Variants in ADARB1 observed in about 807,000 individuals in gnomAD.
ADARB1 encodes the protein double-stranded RNA-specific editase 1.
In ADARB1, 10 loss-of-function variants were observed where a neutral mutation model predicts 52.4. That is an observed-to-expected ratio of 0.19 (90% CI 0.12 to 0.32). The LOEUF (loss-of-function observed/expected upper bound fraction) is 0.32. ADARB1 is among the 10% of genes least tolerant of loss of function. The pLI is 1.00. For synonymous variants in ADARB1, 349 were observed against 371.1 expected, an observed-to-expected ratio of 0.94 and a Z score of 0.68; for missense variants, 643 against 922.3, an observed-to-expected ratio of 0.70 and a Z score of 3.92.
chr21:45,169,210 T>G (rs992335917), intron 2 of ADARB1, among the ~76,000 whole-genome samples: 4 of 152,170 alleles, frequency 2.6e-5, no homozygotes, highest in African/African-American at 9.7e-5. Context: ...TAGAGCCTGG[T>G]GGAAATGAAG....
chr21:45,139,481 T>G (rs1303846158), intron 2 of ADARB1, among the ~76,000 whole-genome samples: 2 of 152,226 alleles, frequency 1.3e-5, no homozygotes, highest in African/African-American at 4.8e-5. Flanking sequence ...CCGTTTTCTC[T>G]TTTTCCCATA....
rs977701639 is a variant in ADARB1 at position 45,200,031 on chromosome 21, A to C, written c.1566-4524A>C. Among the ~76,000 whole-genome samples the C allele has an allele frequency of 2.0e-5, 3 of 152,232 alleles. No homozygotes were observed. Among genetic ancestry groups the C allele is most frequent in the Non-Finnish European group, 4.4e-5 (3 of 68,038 alleles). Reference sequence around the variant, plus strand: ...GGGCCAAGAAATAGCAAATGGCCAGAAAAGTTGCCCGGAAAGAGCCCTGGT... The same window carrying C: ...GGGCCAAGAAATAGCAAATGGCCAGCAAAGTTGCCCGGAAAGAGCCCTGGT... On this transcript the variant is annotated intron_variant, in intron 8 of 10. Transcript: ENST00000348831. This position sits in a 1 kb window ranked among gnomAD's most constrained non-coding sequence, Gnocchi z 5.0.
At chr21:45,125,020 C>T (rs1237333298) in intron 1 of ADARB1, among the ~76,000 whole-genome samples, 1 of 150,926 alleles carries the variant, frequency 6.6e-6, no homozygotes, top group Admixed American at 6.6e-5. Context: ...TTGTCTTGAA[C>T]TCCTGGGCTC....
intron 2 of ADARB1, among the ~76,000 whole-genome samples, chr21:45,165,428 G>A (rs2091213361): frequency 6.6e-6 from 1 of 152,076 alleles, no homozygotes; most frequent in Non-Finnish European, 1.5e-5. Context: ...AAATGTGTTT[G>A]CTGAAAATTA....
chr21:45,135,341 GACA>G (rs757222862), intron 2 of ADARB1, among the ~76,000 whole-genome samples: 3 of 152,274 alleles, frequency 2.0e-5, no homozygotes, highest in Non-Finnish European at 2.9e-5. Context: ...CTGCCAGAAT[GACA>G]ACAACTGTCA....
chr21:45,208,290 G>A lies in ADARB1; in HGVS notation c.1747+3554G>A, dbSNP rs767404203. Among the ~76,000 whole-genome samples the A allele has an allele frequency of 4.6e-5, 7 of 152,194 alleles. No homozygotes were observed. Among genetic ancestry groups the A allele is most frequent in the African/African-American group, 1.2e-4 (5 of 41,440 alleles). On this transcript the variant is annotated intron_variant, in intron 9 of 10. Transcript: ENST00000348831. The surrounding 1 kb of genome is among the most constrained non-coding windows in gnomAD (Gnocchi z 5.6). ...ACCTTGTTGACAGACAGCCTGCTCC[G>A]GGGTTTGCAGACAAGGCTTCCTATC...
chr21:45,119,349 C>T (rs1307685108), intron 1 of ADARB1, among the ~76,000 whole-genome samples: 2 of 152,234 alleles, frequency 1.3e-5, no homozygotes, highest in South Asian at 2.1e-4. Flanking sequence ...CCTTGGCCTC[C>T]CAAAGTGCTG....
intron 1 of ADARB1, chr21:45,121,018 A>G (rs1443506516): frequency 3.3e-5 from 5 of 152,140 alleles, no homozygotes; most frequent in Admixed American, 2.6e-4. Flanking sequence ...CTGGATTTAA[A>G]TATGCTAATT....
chr21:45,121,188 GC>G (rs1028878017), intron 1 of ADARB1, among the ~76,000 whole-genome samples: 13 of 152,090 alleles, frequency 8.5e-5, no homozygotes, highest in Non-Finnish European at 1.9e-4. Context: ...TAAGCTTTGT[GC>G]TTTTCCTTTA....
intron 9 of ADARB1, among the ~76,000 whole-genome samples, chr21:45,205,845 G>GGT (rs1305330642): frequency 6.6e-6 from 1 of 151,988 alleles, no homozygotes; most frequent in East Asian, 1.9e-4. Context: ...TTTATTTTGG[G>GGT]GTGTGTGTGT....
At chr21:45,199,743 A>T (rs1218150393) in intron 8 of ADARB1, among the ~76,000 whole-genome samples, 1 of 152,212 alleles carries the variant, frequency 6.6e-6, no homozygotes, top group Non-Finnish European at 1.5e-5. Context: ...TGGAAAAGAA[A>T]AGCCACATAT....
intron 1 of ADARB1, among the ~76,000 whole-genome samples, chr21:45,086,409 G>C (rs1460616780): frequency 6.6e-6 from 1 of 152,198 alleles, no homozygotes; most frequent in Non-Finnish European, 1.5e-5. Context: ...CTGAATGTCT[G>C]AGTTGTGCAG....
At chr21:45,197,515 A>C (rs2092452390) in intron 8 of ADARB1, among the ~76,000 whole-genome samples, 1 of 152,036 alleles carries the variant, frequency 6.6e-6, no homozygotes, top group Admixed American at 6.6e-5. Context: ...AAAAAAAAAA[A>C]AGTTACAGAT....
At chr21:45,183,274 G>A (rs2091990680) in intron 6 of ADARB1, 88 bp from the exon 7 acceptor site, 1 of 1,282,456 alleles carries the variant, frequency 7.8e-7, no homozygotes, top group Non-Finnish European at 1.1e-6. Context: ...TCTTTCCCTT[G>A]TGGAAAATAC....
At chr21:45,148,252 C>G (rs2090108999) in intron 2 of ADARB1, among the ~76,000 whole-genome samples, 1 of 152,232 alleles carries the variant, frequency 6.6e-6, no homozygotes. Context: ...CCATGGCAGC[C>G]TCCGTGAGGG....
chr21:45,225,618 GA>G lies in ADARB1; in HGVS notation c.*3422del. ...TGAGGATGGGATTAGCGAAGCTGTG[GA>G]GACTGCACATCCGGACCTGCCCATG... On this transcript the variant is annotated 3_prime_UTR_variant, in exon 11 of 11. Transcript: ENST00000348831. 7.8e-7 allele frequency: 1 copy of G among 1,282,580 alleles called. No individual in the cohort carries two copies. The highest frequency in any genetic ancestry group is 1.0e-6 in the Non-Finnish European group (1 of 992,380). 79.4% of individuals were successfully genotyped at this position (1,282,580 alleles called of 1,614,324 possible). A position where few individuals can be genotyped will look rare whatever the true frequency, so the allele number is the denominator to read the frequency against.
At chr21:45,178,378 G>A (rs1254605567) in intron 4 of ADARB1, among the ~76,000 whole-genome samples, 1 of 152,258 alleles carries the variant, frequency 6.6e-6, no homozygotes, top group African/African-American at 2.4e-5. Context: ...TCTGGGCTCT[G>A]TAGGTGCTGA....
intron 1 of ADARB1, among the ~76,000 whole-genome samples, chr21:45,122,422 C>G (rs940547384): frequency 1.3e-5 from 2 of 152,214 alleles, no homozygotes; most frequent in African/African-American, 4.8e-5. Flanking sequence ...CTTTTCATAG[C>G]ATTGCTGTGG....
chr21:45,121,764 C>G (rs2088203743), intron 1 of ADARB1, among the ~76,000 whole-genome samples: 1 of 152,180 alleles, frequency 6.6e-6, no homozygotes, highest in South Asian at 2.1e-4. Flanking sequence ...CTTCCCTGTC[C>G]TGCCAAGTCC....
Sources: allele counts gnomAD v4.1 joint callset (sites outside exome capture counted in the v4.1 genomes callset), GRCh38; gene constraint gnomAD v4.1.1; non-coding constraint Gnocchi (gnomAD v3.1); transcripts MANE v1.5; gene names NCBI Gene and HGNC (gene_info 2026-07-23, HGNC 2026-07-21).